Variants in PRUNE2 observed in about 807,000 individuals in gnomAD.
PRUNE2 encodes the protein prune homolog 2 with BCH domain, also known as protein prune homolog 2.
A neutral mutation model predicts 252.0 loss-of-function variants in PRUNE2; 164 were observed. The ratio of observed to expected loss-of-function variants is 0.65; its 90% CI spans 0.57 to 0.74. The LOEUF (loss-of-function observed/expected upper bound fraction) is 0.74, where lower values mean the gene tolerates loss of function less well. Among genes scored for constraint, PRUNE2 ranks in the 30% least tolerant of loss-of-function variants. The pLI is 0.00. For missense variants in PRUNE2, 3,495 were observed against 3,711.0 expected (o/e 0.94, Z 1.51); for synonymous variants, 1,292 against 1,350.2 (o/e 0.96, Z 0.94).
intron 12 of PRUNE2, chr9:76,641,890 T>TAC (rs879249866): frequency 2.7e-4 from 395 of 1,445,846 alleles, no homozygotes; most frequent in South Asian, 1.4e-3. Flanking sequence ...AACCAAAACA[T>TAC]ACACACACAC....
intron 1 of PRUNE2, among the ~76,000 whole-genome samples, chr9:76,866,359 T>C (rs2060838543): frequency 6.6e-6 from 1 of 152,264 alleles, no homozygotes. Flanking sequence ...GTTTTGCCCT[T>C]AGGCACTGAT....
intron 6 of PRUNE2, among the ~76,000 whole-genome samples, chr9:76,752,606 G>T (rs964237830): frequency 4.6e-5 from 7 of 152,064 alleles, no homozygotes; most frequent in African/African-American, 1.4e-4. Flanking sequence ...TGAATAGAAG[G>T]TTAATAATAA....
chr9:76,849,504 A>G (rs975995386), intron 3 of PRUNE2, among the ~76,000 whole-genome samples: 3 of 152,212 alleles, frequency 2.0e-5, no homozygotes, highest in Non-Finnish European at 4.4e-5. Context: ...TTGTATTGCT[A>G]TAAGAAAGTG....
intron 17 of PRUNE2, among the ~76,000 whole-genome samples, chr9:76,621,944 C>G (rs955421251): frequency 6.6e-6 from 1 of 152,084 alleles, no homozygotes; most frequent in African/African-American, 2.4e-5. Context: ...ACTCAGCCTC[C>G]CAAAGTCCTG....
At position 76,762,520 on chromosome 9, in the gene PRUNE2, T is replaced by C. The variant is rs116655189; in HGVS notation, c.757-48799A>G. 3.2e-3 allele frequency among the ~76,000 whole-genome samples: 493 copies of C among 152,358 alleles called. 5 individuals carry two copies. Among genetic ancestry groups the C allele is most frequent in the African/African-American group, 0.012 (484 of 41,574 alleles). ...TTACTATAGATTCCACACATGTTCA[T>C]TTCTTAACAAACTCTGAGAGAGGTG... On this transcript the variant is annotated intron_variant, in intron 6 of 18. Coordinates refer to ENST00000376718, the MANE Select transcript of PRUNE2 (RefSeq NM_015225.3).
At chr9:76,664,832 C>T (rs528476759) in intron 9 of PRUNE2, among the ~76,000 whole-genome samples, 1 of 152,334 alleles carries the variant, frequency 6.6e-6, no homozygotes, top group East Asian at 1.9e-4. Flanking sequence ...TATTATACAG[C>T]AATAGCTAAC....
intron 2 of PRUNE2, among the ~76,000 whole-genome samples, chr9:76,852,750 TGAA>T (rs894355995): frequency 1.3e-5 from 2 of 152,222 alleles, no homozygotes; most frequent in African/African-American, 2.4e-5. Flanking sequence ...GGCAAACCTT[TGAA>T]GAAGAAGAGA....
At chr9:76,810,120 A>C (rs1392982979) in intron 6 of PRUNE2, among the ~76,000 whole-genome samples, 2 of 152,250 alleles carry the variant, frequency 1.3e-5, no homozygotes, top group Non-Finnish European at 2.9e-5. Context: ...TTTGCAGAGA[A>C]ACTGAAAACT....
At chr9:76,796,250 T>C (rs1007734542) in intron 6 of PRUNE2, among the ~76,000 whole-genome samples, 3 of 152,030 alleles carry the variant, frequency 2.0e-5, no homozygotes, top group Non-Finnish European at 4.4e-5. Context: ...AGAGGAACTG[T>C]AGAAGGGACC....
At chr9:76,883,482 A>AAG (rs1001671816) in intron 1 of PRUNE2, among the ~76,000 whole-genome samples, 65 of 152,344 alleles carry the variant, frequency 4.3e-4, no homozygotes, top group African/African-American at 1.5e-3. Context: ...GATAACAGAT[A>AAG]AGTGACATTT....
At chr9:76,750,450 C>T (rs1369366326) in intron 6 of PRUNE2, among the ~76,000 whole-genome samples, 2 of 152,116 alleles carry the variant, frequency 1.3e-5, no homozygotes, top group South Asian at 2.1e-4. Flanking sequence ...AAAAAAACAC[C>T]CCACACATTT....
chr9:76,617,999 T>C (rs1188294964), intron 18 of PRUNE2, among the ~76,000 whole-genome samples: 1 of 152,238 alleles, frequency 6.6e-6, no homozygotes, highest in Non-Finnish European at 1.5e-5. Context: ...CAGAATTTCA[T>C]GTGCCAATTT....
intron 1 of PRUNE2, among the ~76,000 whole-genome samples, chr9:76,866,799 T>G (rs2060867924): frequency 6.8e-6 from 1 of 148,018 alleles, no homozygotes; most frequent in African/African-American, 2.5e-5. Context: ...CGAGAGAGAA[T>G]GGAAGGAAGA....
intron 9 of PRUNE2, chr9:76,687,710 G>C (rs952249709): frequency 1.7e-5 from 5 of 291,792 alleles, no homozygotes; most frequent in Non-Finnish European, 3.6e-5. Flanking sequence ...GTTAGCCTCG[G>C]GGGAGGCTGT....
intron 11 of PRUNE2, among the ~76,000 whole-genome samples, chr9:76,647,093 G>A (rs1400574703): frequency 2.0e-5 from 3 of 152,086 alleles, no homozygotes; most frequent in South Asian, 2.1e-4. Context: ...GGAAGATCAC[G>A]TGAGCCCAGG....
At chr9:76,806,168 C>G (rs2056919608) in intron 6 of PRUNE2, among the ~76,000 whole-genome samples, 1 of 152,156 alleles carries the variant, frequency 6.6e-6, no homozygotes. Context: ...TCTCAGGCCC[C>G]AACCCAGACC....
At chr9:76,654,179 T>C (rs1290931258) in intron 10 of PRUNE2, among the ~76,000 whole-genome samples, 1 of 152,074 alleles carries the variant, frequency 6.6e-6, no homozygotes, top group African/African-American at 2.4e-5. Flanking sequence ...GAGAGCAGAG[T>C]AGGAGAAAAC....
intron 1 of PRUNE2, among the ~76,000 whole-genome samples, chr9:76,898,136 T>C (rs1002755877): frequency 5.9e-5 from 9 of 152,216 alleles, no homozygotes; most frequent in African/African-American, 2.2e-4. Flanking sequence ...AATCAGGCAC[T>C]GGCTCCACAT....
intron 10 of PRUNE2, among the ~76,000 whole-genome samples, chr9:76,654,030 C>T (rs1316069174): frequency 6.6e-6 from 1 of 152,114 alleles, no homozygotes; most frequent in Non-Finnish European, 1.5e-5. Context: ...GGTCTTAAAA[C>T]CCTTGTCATT....
Sources: gnomAD v4.1 joint callset for allele counts (sites outside exome capture counted in the v4.1 genomes callset) on GRCh38, gnomAD v4.1.1 for gene constraint, MANE v1.5 for transcripts, NCBI Gene and HGNC (gene_info 2026-07-23, HGNC 2026-07-21) for gene names.